Variants in CAPZA1 observed in about 807,000 individuals in gnomAD.
The protein encoded by CAPZA1 is F-actin-capping protein subunit alpha-1.
A neutral mutation model predicts 40.8 loss-of-function variants in CAPZA1; 10 were observed. The ratio of observed to expected loss-of-function variants is 0.25; its 90% CI spans 0.15 to 0.42. The LOEUF is 0.42. Ranked by LOEUF, CAPZA1 falls within the 10% of genes least tolerant of loss-of-function variation. CAPZA1 has a pLI of 1.00. For synonymous variants in CAPZA1, 98 were observed against 115.0 expected, an observed-to-expected ratio of 0.85 and a Z score of 0.95; for missense variants, 277 against 353.8, an observed-to-expected ratio of 0.78 and a Z score of 1.74.
chr1:112,639,871 G>T (rs1468652606), intron 1 of CAPZA1, among the ~76,000 whole-genome samples: 1 of 119,554 alleles, frequency 8.4e-6, no homozygotes. Context: ...AGGTGGGGGG[G>T]TCAGCCCCCC....
intron 1 of CAPZA1, among the ~76,000 whole-genome samples, chr1:112,630,079 G>A (rs1049772708): frequency 2.6e-5 from 4 of 152,156 alleles, no homozygotes; most frequent in African/African-American, 9.6e-5. Context: ...GTCTCACTCT[G>A]TCACCAAGAC....
At position 112,653,640 on chromosome 1, in the gene CAPZA1, G is replaced by T; in HGVS notation, c.198G>T (p.Lys66Asn). 6.2e-7 allele frequency: 1 copy of T among 1,601,256 alleles called. No homozygotes were observed. The highest frequency in any genetic ancestry group is 8.5e-7 in the Non-Finnish European group (1 of 1,173,860). ...ACATGGATCAGTTCACGCCTGTGAA[G>T]ATAGAAGGATATGAAGATCAGGTAA... ...QYNMDQFTPV[K>N]IEGYEDQVLI... The change falls in exon 4 of 10, where the codon AAG becomes AAT. Residue 66 changes from lysine to asparagine, a missense_variant. Around this residue, in one of 2 missense-constraint regions of CAPZA1, gnomAD observed 192 missense variants for 277.2 expected, o/e 0.69. Coordinates refer to ENST00000263168, the MANE Select transcript of CAPZA1 (RefSeq NM_006135.3).
chr1:112,643,875 C>CTTTTTTTTTTTTTGAG (rs1557731528), intron 1 of CAPZA1, among the ~76,000 whole-genome samples: 5 of 152,042 alleles, frequency 3.3e-5, no homozygotes, highest in Admixed American at 1.3e-4. Context: ...GAGACAGTCT[C>CTTTTTTTTTTTTTGAG]ACTCTGTCGC....
intron 5 of CAPZA1, among the ~76,000 whole-genome samples, chr1:112,657,756 T>A (rs1464714428): frequency 2.0e-5 from 3 of 152,176 alleles, no homozygotes; most frequent in African/African-American, 7.2e-5. Context: ...CACACCTGGC[T>A]AATTTTTGTA....
intron 8 of CAPZA1, among the ~76,000 whole-genome samples, chr1:112,668,352 C>T (rs1355258108): frequency 6.6e-6 from 1 of 152,158 alleles, no homozygotes; most frequent in Non-Finnish European, 1.5e-5. Flanking sequence ...AAACCCATTA[C>T]TTGTTAATAA....
At position 112,646,999 on chromosome 1, in the gene CAPZA1, C is replaced by T. The variant is rs979793574; in HGVS notation, c.40-211C>T. ...AGACGAATTCAGATTTATCAAAACA[C>T]GTATATTCCCAAATCAGAATGTACC... is the stretch of plus-strand genomic sequence containing the variant. On this transcript the variant is annotated intron_variant, in intron 1 of 9. Transcript: ENST00000263168. 3.3e-5 allele frequency among the ~76,000 whole-genome samples: 5 copies of T among 152,014 alleles called. No homozygotes were observed. The South Asian group carries it at 8.3e-4, about 25-fold the overall frequency.
intron 1 of CAPZA1, among the ~76,000 whole-genome samples, chr1:112,631,879 T>G (rs1670925197): frequency 6.6e-6 from 1 of 152,256 alleles, no homozygotes; most frequent in Non-Finnish European, 1.5e-5. Flanking sequence ...ATTTTAATTT[T>G]TTTTCTGTGT....
At chr1:112,667,542 C>G (rs1671747229) in intron 8 of CAPZA1, among the ~76,000 whole-genome samples, 2 of 152,062 alleles carry the variant, frequency 1.3e-5, no homozygotes, top group African/African-American at 4.8e-5. Context: ...TGGTGGTGGT[C>G]TATTTGAGAC....
intron 7 of CAPZA1, among the ~76,000 whole-genome samples, chr1:112,662,467 C>T (rs375279907): frequency 1.3e-4 from 17 of 131,988 alleles, no homozygotes; most frequent in Non-Finnish European, 2.3e-4. Flanking sequence ...GGCAGGATCT[C>T]GGCTCACTGC....
At chr1:112,647,723 C>A (rs1368013323) in intron 2 of CAPZA1, among the ~76,000 whole-genome samples, 1 of 152,098 alleles carries the variant, frequency 6.6e-6, no homozygotes, top group African/African-American at 2.4e-5. Flanking sequence ...CTTTATCTTC[C>A]CCTCAAGATT....
At position 112,667,120 on chromosome 1, in the gene CAPZA1, A is replaced by T; in HGVS notation, c.632A>T (p.Asp211Val). ...AATGTTCAGTTGGTTAGTCATAAAG[A>T]TGTACAGGATTCACTAACTGTTTCG... Reference protein sequence around the residue: ...DGNVQLVSHKDVQDSLTVSNE... With the variant: ...DGNVQLVSHKVVQDSLTVSNE... Residue 211 changes from aspartate (D) to valine (V), a missense_variant, in exon 8 of 10, where the codon GAT (aspartate) becomes GTT (valine). Asp to Val is a radical substitution (Grantham distance 152). Around this residue, in one of 2 missense-constraint regions of CAPZA1, gnomAD observed 192 missense variants for 277.2 expected, o/e 0.69. Coordinates refer to ENST00000263168, the MANE Select transcript of CAPZA1 (RefSeq NM_006135.3). 1 of 1,610,872 alleles carries T rather than the reference A, an allele frequency of 6.2e-7. No individual in the cohort carries two copies. The highest frequency in any genetic ancestry group is 8.5e-7 in the Non-Finnish European group (1 of 1,177,766).
At chr1:112,649,529 C>G in intron 3 of CAPZA1, 60 bp downstream of exon 3, 1 of 1,299,650 alleles carries the variant, frequency 7.7e-7, no homozygotes, top group Non-Finnish European at 1.1e-6. Flanking sequence ...ACTATGTTGA[C>G]AGTAAACTAG....
intron 1 of CAPZA1, among the ~76,000 whole-genome samples, chr1:112,629,092 C>CG (rs1323128309): frequency 6.6e-6 from 1 of 152,198 alleles, no homozygotes; most frequent in African/African-American, 2.4e-5. Flanking sequence ...CAAAGCCCTC[C>CG]GGTGGCTTCC....
intron 1 of CAPZA1, chr1:112,620,113 G>T: frequency 2.2e-6 from 1 of 455,810 alleles, no homozygotes; most frequent in East Asian, 3.6e-5. Flanking sequence ...CTGAGGCACA[G>T]CCCAGGGGCC....
At chr1:112,632,718 C>G (rs1348532424) in intron 1 of CAPZA1, among the ~76,000 whole-genome samples, 1 of 152,156 alleles carries the variant, frequency 6.6e-6, no homozygotes, top group African/African-American at 2.4e-5. Flanking sequence ...CAATTATTCC[C>G]TAGAGTTTGT....
In CAPZA1 at chr1:112,619,855, T is replaced by C. The variant is rs753937540; in HGVS notation, c.11T>C (p.Phe4Ser). The C allele has an allele frequency of 1.1e-5, 17 of 1,613,202 alleles. No individual in the cohort carries two copies. The East Asian group carries it at 2.0e-4, about 19-fold the overall frequency. ...CCAGAACAGCCCAAGATGGCCGACT[T>C]CGATGATCGTGTGTCGGATGAGGAG... The part of the protein sequence containing the change: MAD[F>S]DDRVSDEEKV... Residue 4 changes from phenylalanine (F) to serine (S), a missense_variant, in exon 1 of 10, where the codon TTC becomes TCC. Around this residue, in one of 2 missense-constraint regions of CAPZA1, gnomAD observed 85 missense variants for 76.5 expected, o/e 1.11. Coordinates refer to ENST00000263168, the MANE Select transcript of CAPZA1 (RefSeq NM_006135.3).
Position 112,629,698 on chromosome 1 carries a change from A to G in CAPZA1, c.39+9815A>G, listed in dbSNP as rs867835303. Among the ~76,000 whole-genome samples the G allele has an allele frequency of 3.9e-5, 6 of 152,246 alleles. No homozygotes were observed. The South Asian group carries it at 6.2e-4, about 16-fold the overall frequency. ...AAGCTTTAGCAAGTGGCCATTGCCA[A>G]TGACATACGGAATGAAACCAGATTT... On this transcript the variant is annotated intron_variant, in intron 1 of 9. Coordinates refer to ENST00000263168, the MANE Select transcript of CAPZA1 (RefSeq NM_006135.3).
chr1:112,622,288 T>G (rs1557724385), intron 1 of CAPZA1, among the ~76,000 whole-genome samples: 1 of 152,104 alleles, frequency 6.6e-6, no homozygotes, highest in Admixed American at 6.6e-5. Flanking sequence ...TTTAATCACT[T>G]TATAAAGAGG....
chr1:112,644,440 C>T (rs1671244169), intron 1 of CAPZA1, among the ~76,000 whole-genome samples: 1 of 152,056 alleles, frequency 6.6e-6, no homozygotes, highest in Non-Finnish European at 1.5e-5. Context: ...ATCCACCCAC[C>T]TCAGCCTCCC....
Sources: gnomAD v4.1 joint callset for allele counts (sites outside exome capture counted in the v4.1 genomes callset) on GRCh38, gnomAD v4.1.1 for gene constraint, gnomAD v4.1.1 regional missense constraint, MANE v1.5 for transcripts, NCBI Gene and HGNC (gene_info 2026-07-23, HGNC 2026-07-21) for gene names.